APOLD1: variants seen among roughly 807,000 people sequenced by gnomAD.
APOLD1 encodes the protein apolipoprotein L domain-containing protein 1.
APOLD1 carries 22 observed loss-of-function variants against 15.3 expected under a neutral mutation model. That is an observed-to-expected ratio of 1.44 (90% CI 1.03 to 2.05). The LOEUF (loss-of-function observed/expected upper bound fraction) is 2.05, where lower values mean the gene tolerates loss of function less well. APOLD1 is among the 30% of genes most tolerant of loss of function. The pLI, the probability that APOLD1 is intolerant of heterozygous loss-of-function variation, is 0.00. For missense variants in APOLD1, 394 were observed against 353.5 expected (o/e 1.11, Z -0.92); for synonymous variants, 190 against 167.4 (o/e 1.13, Z -1.04).
chr12:12,754,042 TTGTC>T (rs1256348725), intron 1 of APOLD1, among the ~76,000 whole-genome samples: 5 of 150,694 alleles, frequency 3.3e-5, no homozygotes, highest in South Asian at 2.1e-4. Context: ...TGGTGAAACT[TTGTC>T]TGTACTAAAA....
chr12:12,758,775 TAG>T (rs1307994401), intron 1 of APOLD1, among the ~76,000 whole-genome samples: 1 of 152,202 alleles, frequency 6.6e-6, no homozygotes, highest in African/African-American at 2.4e-5. Flanking sequence ...GTGTCACCGA[TAG>T]AGTCATTCTT....
At chr12:12,782,904 T>C (rs1209183448), upstream of APOLD1, among the ~76,000 whole-genome samples, 1 of 152,150 alleles carries the variant, frequency 6.6e-6, no homozygotes, top group African/African-American at 2.4e-5. Context: ...GTCTTTACTA[T>C]ATGAAATTAA....
rs1452579384 is a variant in APOLD1 at position 12,789,814 on chromosome 12, C to T, written c.*2162C>T. On this transcript the variant is annotated 3_prime_UTR_variant, in exon 2 of 2. Coordinates refer to ENST00000356591, the MANE Select transcript of APOLD1 (RefSeq NM_030817.3). Reference sequence around the variant, plus strand: ...ATGTACCCAATCTGTCCGCACCCTTCCCAGTGATGGGGCAGTATGTCTGAG... The same window carrying T: ...ATGTACCCAATCTGTCCGCACCCTTTCCAGTGATGGGGCAGTATGTCTGAG... 1 of 152,202 alleles carries T rather than the reference C, an allele frequency of 6.6e-6. No homozygotes were observed. The highest frequency in any genetic ancestry group is 1.5e-5 in the Non-Finnish European group (1 of 68,044). The allele number at this position is 152,202 out of a possible 1,614,324, so 9.4% of individuals were successfully genotyped here.
chr12:12,779,625 T>C (rs1371024459), intron 1 of APOLD1, among the ~76,000 whole-genome samples: 1 of 152,058 alleles, frequency 6.6e-6, no homozygotes, highest in Non-Finnish European at 1.5e-5. Flanking sequence ...GGAAAAAAAA[T>C]GTACACAGAT....
chr12:12,739,153 G>A (rs1946712221), intron 1 of APOLD1, among the ~76,000 whole-genome samples: 1 of 152,190 alleles, frequency 6.6e-6, no homozygotes, highest in Admixed American at 6.5e-5. Flanking sequence ...TAGTAGGGGA[G>A]ACTGAATGCG....
chr12:12,767,033 G>A (rs1303375028), intron 1 of APOLD1, among the ~76,000 whole-genome samples: 2 of 152,094 alleles, frequency 1.3e-5, no homozygotes, highest in East Asian at 3.9e-4. Flanking sequence ...ATCACCGGAG[G>A]TCAGGAGTTC....
chr12:12,751,221 G>T (rs1433724084), intron 1 of APOLD1, among the ~76,000 whole-genome samples: 1 of 152,134 alleles, frequency 6.6e-6, no homozygotes, highest in African/African-American at 2.4e-5. Flanking sequence ...ATGAAGGTGG[G>T]GCAAGGATGG....
intron 1 of APOLD1, among the ~76,000 whole-genome samples, chr12:12,733,867 G>A (rs976815341): frequency 2.6e-5 from 4 of 152,188 alleles, no homozygotes; most frequent in African/African-American, 9.7e-5. Flanking sequence ...GTCCCCCAAA[G>A]TGTTGGGATT....
Position 12,786,981 on chromosome 12 carries a change from G to T in APOLD1, c.76G>T (p.Asp26Tyr). The change falls in exon 2 of 2, where the codon GAC becomes TAC. Residue 26 changes from aspartate (D) to tyrosine (Y), a missense_variant. By Grantham distance (160) the Asp-to-Tyr change is radical. Transcript: ENST00000356591. ...GCGGCGCTTCCAGGGACTGCTGCTG[G>T]ACCGCCGAGGCCGGCTGCACGGCCA... ...ALRRFQGLLL[D>Y]RRGRLHGQVL... 7.0e-7 allele frequency: 1 copy of T among 1,433,988 alleles called. No individual in the cohort carries two copies. The highest frequency in any genetic ancestry group is 1.4e-5 in the South Asian group (1 of 70,138). 88.8% of individuals were successfully genotyped at this position (1,433,988 alleles called of 1,614,324 possible). A position where few individuals can be genotyped will look rare whatever the true frequency, so the allele number is the denominator to read the frequency against.
intron 1 of APOLD1, among the ~76,000 whole-genome samples, chr12:12,770,104 A>AAG (rs533650025): frequency 1.6e-4 from 25 of 152,308 alleles, no homozygotes; most frequent in South Asian, 1.2e-3. Flanking sequence ...AAACTATAAA[A>AAG]AGAACCAAAA....
chr12:12,737,465 C>T (rs1338260677), intron 1 of APOLD1, among the ~76,000 whole-genome samples: 1 of 152,182 alleles, frequency 6.6e-6, no homozygotes, highest in Non-Finnish European at 1.5e-5. Context: ...GTTTCTGTTT[C>T]AATCTTTAGG....
intron 1 of APOLD1, among the ~76,000 whole-genome samples, chr12:12,770,273 C>T (rs1024691878): frequency 2.0e-5 from 3 of 152,058 alleles, no homozygotes; most frequent in Non-Finnish European, 4.4e-5. Context: ...GGCATGGTGG[C>T]ACATGCCTGT....
rs377081492 is a variant in APOLD1 at position 12,759,465 on chromosome 12, A to G, written c.97-27444A>G. ...ATAAAGTATATCACTGACTTTTGGTAGGATGTGATATTGACTTAGGAATAG... is the reference window on the plus strand; with the variant it reads ...ATAAAGTATATCACTGACTTTTGGTGGGATGTGATATTGACTTAGGAATAG... On this transcript the variant is annotated intron_variant, in intron 1 of 1. Coordinates refer to the APOLD1 transcript ENST00000326765. Among the ~76,000 whole-genome samples, 19 of 152,268 alleles carry G rather than the reference A, an allele frequency of 1.2e-4. No homozygotes were observed. In the South Asian group the frequency reaches 2.5e-3, roughly 20 times the overall value.
chr12:12,749,606 T>A (rs1246506173), intron 1 of APOLD1, among the ~76,000 whole-genome samples: 4 of 152,154 alleles, frequency 2.6e-5, no homozygotes, highest in African/African-American at 7.2e-5. Context: ...AGTGTGACGT[T>A]GGTAACTTCA....
chr12:12,753,313 A>G (rs1334726993), intron 1 of APOLD1, among the ~76,000 whole-genome samples: 1 of 152,232 alleles, frequency 6.6e-6, no homozygotes, highest in African/African-American at 2.4e-5. Flanking sequence ...AAAGGGTAAT[A>G]TACATATGTA....
At chr12:12,779,250 C>A (rs550541570) in intron 1 of APOLD1, among the ~76,000 whole-genome samples, 50 of 152,190 alleles carry the variant, frequency 3.3e-4, no homozygotes, top group African/African-American at 1.2e-3. Context: ...CAGCACACAC[C>A]CCGGCACTTC....
At chr12:12,781,526 C>CTTTT (rs774609531), upstream of APOLD1, among the ~76,000 whole-genome samples, 3 of 138,830 alleles carry the variant, frequency 2.2e-5, no homozygotes, top group African/African-American at 5.3e-5. Flanking sequence ...ATCACTTTAT[C>CTTTT]TTTTTTTTTT....
Position 12,746,352 on chromosome 12 carries a change from T to G in APOLD1, c.96+20256T>G, listed in dbSNP as rs540513279. On this transcript the variant is annotated intron_variant, in intron 1 of 1. Coordinates refer to the APOLD1 transcript ENST00000326765. Reference sequence around the variant, plus strand: ...CTCTACATAAAATACAAACATTAGCTGCGTGTGGTGGCAGATGCCTGTAAT... The same window carrying G: ...CTCTACATAAAATACAAACATTAGCGGCGTGTGGTGGCAGATGCCTGTAAT... 2.0e-5 allele frequency among the ~76,000 whole-genome samples: 3 copies of G among 152,114 alleles called. No individual in the cohort carries two copies. In the East Asian group the frequency reaches 5.8e-4, roughly 29 times the overall value.
At chr12:12,747,890 G>A (rs1037716140) in intron 1 of APOLD1, among the ~76,000 whole-genome samples, 4 of 152,170 alleles carry the variant, frequency 2.6e-5, no homozygotes, top group Non-Finnish European at 5.9e-5. Flanking sequence ...TATGTGTGCC[G>A]GACATGTTAA....
Sources: allele counts gnomAD v4.1 joint callset (sites outside exome capture counted in the v4.1 genomes callset), GRCh38; gene constraint gnomAD v4.1.1; transcripts MANE v1.5; gene names NCBI Gene and HGNC (gene_info 2026-07-23, HGNC 2026-07-21).